Variants in MGAT4D observed in about 807,000 individuals in gnomAD.
The protein encoded by MGAT4D is alpha-1,3-mannosyl-glycoprotein 4-beta-N-acetylglucosaminyltransferase-like protein MGAT4D.
In MGAT4D, 34 loss-of-function variants were observed where a neutral mutation model predicts 15.9. That is an observed-to-expected ratio of 2.14 (90% CI 1.62 to 2.84). MGAT4D has a LOEUF of 2.84. Ranked by LOEUF, MGAT4D falls within the 30% of genes most tolerant of loss-of-function variation. The pLI is 0.00. For synonymous variants in MGAT4D, 112 were observed against 48.2 expected (o/e 2.33, Z -5.49); for missense variants, 327 against 140.2 (o/e 2.33, Z -6.73).
At chr4:140,486,442 C>A (rs1238345815) in intron 1 of MGAT4D, among the ~76,000 whole-genome samples, 1 of 152,054 alleles carries the variant, frequency 6.6e-6, no homozygotes, top group Non-Finnish European at 1.5e-5. Context: ...CTGCACACAT[C>A]AACCTGTCAT....
intron 3 of MGAT4D, among the ~76,000 whole-genome samples, chr4:140,476,857 AG>A (rs1732370767): frequency 6.6e-6 from 1 of 152,172 alleles, no homozygotes; most frequent in South Asian, 2.1e-4. Context: ...TATCTTTCAT[AG>A]TACTCATCAC....
At chr4:140,465,607 G>A (rs560164103) in intron 5 of MGAT4D, among the ~76,000 whole-genome samples, 1 of 152,132 alleles carries the variant, frequency 6.6e-6, no homozygotes, top group Non-Finnish European at 1.5e-5. Context: ...GGTAAAGGAT[G>A]GGAAACCAAG....
intron 10 of MGAT4D, chr4:140,450,180 T>C: frequency 3.4e-6 from 1 of 293,644 alleles, no homozygotes. Flanking sequence ...ATTAAATTGT[T>C]ATTGACTTCT....
chr4:140,487,971 T>C (rs1405517697), intron 1 of MGAT4D, among the ~76,000 whole-genome samples: 3 of 152,170 alleles, frequency 2.0e-5, no homozygotes, highest in Non-Finnish European at 4.4e-5. Flanking sequence ...TTTAATAAGA[T>C]TCCCAGTTGA....
At chr4:140,496,034 G>A (rs554897128) in intron 1 of MGAT4D, among the ~76,000 whole-genome samples, 64 of 152,058 alleles carry the variant, frequency 4.2e-4, no homozygotes, top group African/African-American at 1.5e-3. Flanking sequence ...CACTGCGCCT[G>A]GCAAAATTTA....
intron 6 of MGAT4D, among the ~76,000 whole-genome samples, chr4:140,463,932 A>T (rs1262490250): frequency 6.6e-6 from 1 of 152,202 alleles, no homozygotes; most frequent in African/African-American, 2.4e-5. Flanking sequence ...TTAGGCTAGG[A>T]GTAGGGACTC....
chr4:140,452,947 G>A (rs996659176), intron 9 of MGAT4D, among the ~76,000 whole-genome samples: 3 of 152,118 alleles, frequency 2.0e-5, no homozygotes, highest in Admixed American at 6.5e-5. Flanking sequence ...GTGAGGTTTA[G>A]GTCGCATTAT....
intron 6 of MGAT4D, among the ~76,000 whole-genome samples, chr4:140,464,336 A>T (rs1054646473): frequency 6.6e-6 from 1 of 152,198 alleles, no homozygotes; most frequent in African/African-American, 2.4e-5. Flanking sequence ...TTGTATGTGT[A>T]TAGAGCTTTT....
chr4:140,443,524 TTAATCATATTATTTCCTTATTG>T (rs1286418083), intron 10 of MGAT4D, 80 bp from the exon 11 acceptor site: 5 of 452,668 alleles, frequency 1.1e-5, no homozygotes, highest in Admixed American at 7.9e-5. Flanking sequence ...TAGCAATTTC[TTAATCATATTATTTCCTTATTG>T]TATCCTCTTT....
chr4:140,457,474 C>A (rs1258596190), intron 8 of MGAT4D: 1 of 151,916 alleles, frequency 6.6e-6, no homozygotes, highest in East Asian at 1.9e-4. Flanking sequence ...TTTTTTGCAC[C>A]TATTTATGTA....
chr4:140,456,328 T>C (rs1014627673), intron 9 of MGAT4D, among the ~76,000 whole-genome samples: 8 of 152,184 alleles, frequency 5.3e-5, no homozygotes, highest in African/African-American at 1.9e-4. Context: ...AATGTAAGTA[T>C]TGGCATGTTT....
At chr4:140,489,075 A>G (rs749572672) in intron 1 of MGAT4D, among the ~76,000 whole-genome samples, 1 of 152,172 alleles carries the variant, frequency 6.6e-6, no homozygotes, top group Non-Finnish European at 1.5e-5. Context: ...ATGGCCTACT[A>G]CAGTTTATCA....
rs1729851260 is a variant in MGAT4D at position 140,442,715 on chromosome 4, CACA to C, written c.*718_*720del. 1 of 152,006 alleles carries C rather than the reference CACA, an allele frequency of 6.6e-6. No individual in the cohort carries two copies. Among genetic ancestry groups the C allele is most frequent in the East Asian group, 1.9e-4 (1 of 5,196 alleles). The allele number at this position is 152,006 out of a possible 1,614,324, so 9.4% of individuals were successfully genotyped here. A position where few individuals can be genotyped will look rare whatever the true frequency, so the allele number is the denominator to read the frequency against. ...CAAAGTCATATGGAACACAAGGATT[CACA>C]ACAATTCTCAAAATTTTATCACACA... is the stretch of plus-strand genomic sequence containing the variant. On this transcript the variant is annotated 3_prime_UTR_variant, in exon 11 of 11. Coordinates refer to ENST00000511113, the MANE Select transcript of MGAT4D (RefSeq NM_001277353.2).
At chr4:140,493,361 T>A (rs180979807) in intron 1 of MGAT4D, among the ~76,000 whole-genome samples, 63 of 149,980 alleles carry the variant, frequency 4.2e-4, no homozygotes, top group African/African-American at 1.5e-3. Context: ...AGTGGTGCGA[T>A]CTCGGCTTAC....
At chr4:140,483,803 A>C (rs2126835660) in intron 1 of MGAT4D, among the ~76,000 whole-genome samples, 1 of 152,276 alleles carries the variant, frequency 6.6e-6, no homozygotes. Flanking sequence ...AAAACTGGAT[A>C]TCCACATGCA....
chr4:140,464,507 G>A (rs1731399425), intron 6 of MGAT4D, among the ~76,000 whole-genome samples: 1 of 152,182 alleles, frequency 6.6e-6, no homozygotes, highest in African/African-American at 2.4e-5. Context: ...GCTGGGACTA[G>A]AATCCAGCTC....
chr4:140,493,237 T>C (rs1578727552), intron 1 of MGAT4D, among the ~76,000 whole-genome samples: 1 of 151,774 alleles, frequency 6.6e-6, no homozygotes, highest in Non-Finnish European at 1.5e-5. Flanking sequence ...CCCCATCTCA[T>C]GATGATACTA....
chr4:140,476,622 C>T (rs1051032685), intron 3 of MGAT4D, among the ~76,000 whole-genome samples: 63 of 152,240 alleles, frequency 4.1e-4, no homozygotes, highest in African/African-American at 1.5e-3. Flanking sequence ...CCTTAGTGAC[C>T]TGGTACTGAT....
intron 4 of MGAT4D, among the ~76,000 whole-genome samples, chr4:140,472,336 C>A (rs191797561): frequency 1.3e-5 from 2 of 152,070 alleles, no homozygotes; most frequent in Non-Finnish European, 2.9e-5. Context: ...TTGAACAGTG[C>A]GCTAGATTAG....
Sources: allele counts gnomAD v4.1 joint callset (sites outside exome capture counted in the v4.1 genomes callset), GRCh38; gene constraint gnomAD v4.1.1; transcripts MANE v1.5; gene names NCBI Gene and HGNC (gene_info 2026-07-23, HGNC 2026-07-21).